ASXL2: variants seen among roughly 807,000 people sequenced by gnomAD.
The protein encoded by ASXL2 is putative Polycomb group protein ASXL2.
ASXL2 carries 23 observed loss-of-function variants against 122.0 expected under a neutral mutation model. The observed-to-expected ratio is 0.19, with a 90% CI of 0.14 to 0.27. The LOEUF is 0.27. ASXL2 is among the 10% of genes least tolerant of loss of function. ASXL2 has a pLI of 1.00. For synonymous variants in ASXL2, 650 were observed against 637.0 expected (o/e 1.02, Z -0.31); for missense variants, 1,518 against 1,713.8 (o/e 0.89, Z 2.02).
intron 9 of ASXL2, 58 bp from the exon 10 acceptor site, chr2:25,756,172 T>C (rs1042737401): frequency 3.0e-6 from 3 of 999,810 alleles, no homozygotes; most frequent in Admixed American, 5.4e-5. Context: ...TATCACGTCG[T>C]ATTTGACCTT....
chr2:25,827,084 C>T (rs1177750978), intron 3 of ASXL2, among the ~76,000 whole-genome samples: 2 of 151,446 alleles, frequency 1.3e-5, no homozygotes, highest in African/African-American at 2.4e-5. Flanking sequence ...GCGATCCTCC[C>T]GCTTCACCAC....
At chr2:25,821,467 T>TA (rs563000888) in intron 3 of ASXL2, among the ~76,000 whole-genome samples, 315 of 151,952 alleles carry the variant, frequency 2.1e-3, no homozygotes, top group African/African-American at 7.4e-3. Context: ...AAGTTGTTTT[T>TA]AAAAAAATAT....
chr2:25,757,808 T>C (rs1274313458), intron 9 of ASXL2, among the ~76,000 whole-genome samples: 1 of 149,380 alleles, frequency 6.7e-6, no homozygotes, highest in African/African-American at 2.5e-5. Flanking sequence ...TAGAACTTGA[T>C]AAAGAACATT....
chr2:25,746,093 A>G (rs546343274), intron 12 of ASXL2, among the ~76,000 whole-genome samples: 1 of 152,320 alleles, frequency 6.6e-6, no homozygotes, highest in South Asian at 2.1e-4. Context: ...AAAGGAGCAA[A>G]TAACTGTTAA....
At chr2:25,876,121 C>A (rs1028041863) in intron 1 of ASXL2, among the ~76,000 whole-genome samples, 1 of 152,154 alleles carries the variant, frequency 6.6e-6, no homozygotes, top group African/African-American at 2.4e-5. Flanking sequence ...TTCTAAAACA[C>A]ATTTTCACTG....
Position 25,807,489 on chromosome 2 carries a change from A to G in ASXL2, c.144-1152T>C, listed in dbSNP as rs141336388. 7.9e-5 allele frequency among the ~76,000 whole-genome samples: 12 copies of G among 152,328 alleles called. No homozygotes were observed. In the East Asian group the frequency reaches 1.7e-3, roughly 22 times the overall value. On this transcript the variant is annotated intron_variant, in intron 3 of 12. Transcript: ENST00000435504. ...GAAACTATTGAGCATTTCCAAGTTG[A>G]TTTCCATAGCTACGTTTATCTGATT...
At chr2:25,866,537 CT>C (rs2089906388) in intron 1 of ASXL2, among the ~76,000 whole-genome samples, 1 of 151,332 alleles carries the variant, frequency 6.6e-6, no homozygotes, top group Admixed American at 6.6e-5. Flanking sequence ...CATTTACTAC[CT>C]TTTATCTGCT....
intron 1 of ASXL2, among the ~76,000 whole-genome samples, chr2:25,859,039 T>C (rs1163098531): frequency 6.6e-6 from 1 of 151,904 alleles, no homozygotes; most frequent in East Asian, 2.0e-4. Context: ...GTCTCAAAAC[T>C]CCTTACCTCA....
intron 12 of ASXL2, among the ~76,000 whole-genome samples, chr2:25,746,073 G>C (rs921655197): frequency 6.6e-6 from 1 of 152,040 alleles, no homozygotes; most frequent in Non-Finnish European, 1.5e-5. Flanking sequence ...TCTAGTAACT[G>C]GTTGAGTTTA....
intron 5 of ASXL2, among the ~76,000 whole-genome samples, chr2:25,790,678 G>A (rs1351969248): frequency 6.6e-6 from 1 of 151,196 alleles, no homozygotes; most frequent in Admixed American, 6.6e-5. Context: ...CCAGTGATGA[G>A]AAACAGAGCT....
chr2:25,828,982 A>G (rs1453283642), intron 3 of ASXL2, among the ~76,000 whole-genome samples: 1 of 152,176 alleles, frequency 6.6e-6, no homozygotes, highest in Non-Finnish European at 1.5e-5. Flanking sequence ...CTATGAGATA[A>G]TGATCTCACA....
rs1484333522 is a variant in ASXL2, at chr2:25,744,489, G to T, written c.1861-13C>A. The T allele has an allele frequency of 6.4e-7, 1 of 1,573,910 alleles. No individual in the cohort carries two copies. Among genetic ancestry groups the T allele is most frequent in the East Asian group, 2.2e-5 (1 of 44,660 alleles). ...TGGAGACCGGGATCTGAAAGAAGTA[G>T]AGGGGAAAAAAACAACAGAGCTTAG... On this transcript the variant is annotated splice_polypyrimidine_tract_variant and intron_variant, in intron 12 of 12. Coordinates refer to ENST00000435504, the MANE Select transcript of ASXL2 (RefSeq NM_018263.6). The surrounding 1 kb of genome is among the most constrained non-coding windows in gnomAD (Gnocchi z 4.7).
chr2:25,869,686 G>A (rs1457546806), intron 1 of ASXL2, among the ~76,000 whole-genome samples: 1 of 151,856 alleles, frequency 6.6e-6, no homozygotes, highest in African/African-American at 2.4e-5. Context: ...GCATGGTGGC[G>A]TGCGCCTGTA....
At chr2:25,748,775 T>C (rs551433704) in intron 12 of ASXL2, among the ~76,000 whole-genome samples, 2 of 152,322 alleles carry the variant, frequency 1.3e-5, no homozygotes, top group South Asian at 4.1e-4. Context: ...TAATAAACCT[T>C]TAAGATCAGA....
intron 5 of ASXL2, among the ~76,000 whole-genome samples, chr2:25,775,082 T>A (rs532444087): frequency 6.6e-6 from 1 of 152,188 alleles, no homozygotes; most frequent in African/African-American, 2.4e-5. Flanking sequence ...CTTTTTTAGT[T>A]AGTCTTCTGA....
At position 25,751,563 on chromosome 2, in the gene ASXL2, G is replaced by C. The variant is rs190938781; in HGVS notation, c.1143-1150C>G. On this transcript the variant is annotated intron_variant, in intron 11 of 12. Coordinates refer to ENST00000435504, the MANE Select transcript of ASXL2 (RefSeq NM_018263.6). ...GTGGAAGGACTGCCTAAGCCCGGGA[G>C]ATTAAGGCTACAGTGAACCGTGATT... Among the ~76,000 whole-genome samples the C allele has an allele frequency of 2.6e-5, 4 of 151,772 alleles. No individual in the cohort carries two copies. In the East Asian group the frequency reaches 7.8e-4, roughly 30 times the overall value.
At chr2:25,836,056 T>C (rs1248459168) in intron 2 of ASXL2, among the ~76,000 whole-genome samples, 1 of 152,142 alleles carries the variant, frequency 6.6e-6, no homozygotes, top group Non-Finnish European at 1.5e-5. Flanking sequence ...CTAATCCTTC[T>C]TGACATCCCT....
rs190798249 is a variant in ASXL2 at position 25,800,464 on chromosome 2, A to G, written c.253-929T>C. On this transcript the variant is annotated intron_variant, in intron 4 of 12. Transcript: ENST00000435504. ...GAATATTGGTTAGTAAGTAGCAAGAATTAAATAAAAAAGAAATCTTTTTTT... is the reference window on the plus strand; with the variant it reads ...GAATATTGGTTAGTAAGTAGCAAGAGTTAAATAAAAAAGAAATCTTTTTTT... Among the ~76,000 whole-genome samples, 24 of 152,338 alleles carry G rather than the reference A, an allele frequency of 1.6e-4. No individual in the cohort carries two copies. The East Asian group carries it at 4.2e-3, about 27-fold the overall frequency.
chr2:25,772,727 C>G (rs1473354604), intron 5 of ASXL2, among the ~76,000 whole-genome samples: 2 of 34,012 alleles, frequency 5.9e-5, no homozygotes, highest in African/African-American at 1.3e-4. Flanking sequence ...GAAACTTGGT[C>G]TCAAAAAAAA....
Sources: gnomAD v4.1 joint callset for allele counts (sites outside exome capture counted in the v4.1 genomes callset) on GRCh38, gnomAD v4.1.1 for gene constraint, Gnocchi (gnomAD v3.1) non-coding constraint, MANE v1.5 for transcripts, NCBI Gene and HGNC (gene_info 2026-07-23, HGNC 2026-07-21) for gene names.